Variants in LOXL1 observed in about 807,000 individuals in gnomAD.
LOXL1 encodes the protein lysyl oxidase homolog 1.
Under a neutral mutation model 62.2 loss-of-function variants are expected in LOXL1, and 31 were observed. The observed-to-expected ratio is 0.50, with a 90% CI of 0.37 to 0.67. The LOEUF is 0.67. Ranked by LOEUF, LOXL1 falls within the 30% of genes least tolerant of loss-of-function variation. The pLI is 0.00. For missense variants in LOXL1, 775 were observed against 843.4 expected, an observed-to-expected ratio of 0.92 and a Z score of 1.00; for synonymous variants, 403 against 384.4, an observed-to-expected ratio of 1.05 and a Z score of -0.56.
chr15:73,927,182 C>G lies in LOXL1; in HGVS notation c.399C>G (p.Val133=). 6.4e-7 allele frequency: 1 copy of G among 1,557,994 alleles called. No homozygotes were observed. Among genetic ancestry groups the G allele is most frequent in the East Asian group, 2.5e-5 (1 of 40,018 alleles). ...CCGACAACTGGCGCGAGGTGGCCGT[C>G]GGGGACAGCACGGGCATGGCCCGGG... ...QVPDNWREVA[V]GDSTGMARAR... Residue 133 remains valine, a synonymous_variant, in exon 1 of 7, where the codon GTC becomes GTG. Transcript: ENST00000261921.
chr15:73,939,898 G>A (rs2068701930), intron 1 of LOXL1, among the ~76,000 whole-genome samples: 1 of 152,132 alleles, frequency 6.6e-6, no homozygotes, highest in African/African-American at 2.4e-5. Flanking sequence ...TTCCTCCGGT[G>A]CTTCCAAAGA....
Position 73,926,832 on chromosome 15 carries a change from G to A in LOXL1, c.49G>A (p.Ala17Thr). ...SRQLGALVWGACLCVLVHGQQ... is the reference protein window; with the variant it reads ...SRQLGALVWGTCLCVLVHGQQ... ...GCAGCTGGGGGCCCTGGTGTGGGGC[G>A]CCTGCCTGTGCGTGCTGGTGCACGG... Residue 17 changes from alanine (A) to threonine (T), a missense_variant, in exon 1 of 7, where the codon GCC becomes ACC. Ala to Thr is a moderately conservative substitution (Grantham distance 58, BLOSUM62 0). Transcript: ENST00000261921. 6.5e-7 allele frequency: 1 copy of A among 1,530,202 alleles called. No individual in the cohort carries two copies. The highest frequency in any genetic ancestry group is 8.8e-7 in the Non-Finnish European group (1 of 1,137,052). The allele number at this position is 1,530,202 out of a possible 1,614,324, so 94.8% of individuals were successfully genotyped here.
Position 73,927,029 on chromosome 15 carries a change from G to A in LOXL1, c.246G>A (p.Gln82=). 7.2e-7 allele frequency: 1 copy of A among 1,390,740 alleles called. No homozygotes were observed. The highest frequency in any genetic ancestry group is 9.4e-7 in the Non-Finnish European group (1 of 1,061,922). 86.1% of individuals were successfully genotyped at this position (1,390,740 alleles called of 1,614,324 possible). A position where few individuals can be genotyped will look rare whatever the true frequency, so the allele number is the denominator to read the frequency against. The change falls in exon 1 of 7, where the codon CAG becomes CAA. Residue 82 remains glutamine (Q), a synonymous_variant. Coordinates refer to ENST00000261921, the MANE Select transcript of LOXL1 (RefSeq NM_005576.4). ...SSRVLLAGAP[Q]AQQRRSHGSP... ...GGGTGCTGCTGGCCGGCGCGCCCCA[G>A]GCCCAGCAGCGGCGCAGCCACGGGA...
At position 73,927,429 on chromosome 15, in the gene LOXL1, G is replaced by T. The variant is rs751304280; in HGVS notation, c.646G>T (p.Ala216Ser). 48 of 1,484,248 alleles carry T rather than the reference G, an allele frequency of 3.2e-5. No homozygotes were observed. Among genetic ancestry groups the T allele is most frequent in the Non-Finnish European group, 4.2e-5 (47 of 1,118,772 alleles). The allele number at this position is 1,484,248 out of a possible 1,614,324, so 91.9% of individuals were successfully genotyped here. A position where few individuals can be genotyped will look rare whatever the true frequency, so the allele number is the denominator to read the frequency against. Residue 216 changes from alanine to serine, a missense_variant, in exon 1 of 7, where the codon GCG (alanine) becomes TCG (serine). Physicochemically the swap from Ala to Ser is moderately conservative, Grantham distance 99 (BLOSUM62 1). Transcript: ENST00000261921. The stretch of plus-strand genomic sequence containing the variant: ...CGCGGGCGGCGGCGTGGGCGCGGGG[G>T]CGGCGGCCGTGGCCTCGGCGGGGGT... ...RPAGGGVGAG[A>S]AAVASAGVIY... is the part of the protein sequence containing the mutation.
At chr15:73,946,875 G>C (rs1358543346) in intron 3 of LOXL1, among the ~76,000 whole-genome samples, 192 bp from the exon 4 acceptor site, 1 of 152,260 alleles carries the variant, frequency 6.6e-6, no homozygotes, top group African/African-American at 2.4e-5. Context: ...AGCATGTGCT[G>C]TCCTGGAGTG....
chr15:73,938,253 C>CTGGGCA (rs1478096994), intron 1 of LOXL1, among the ~76,000 whole-genome samples: 1 of 145,852 alleles, frequency 6.9e-6, no homozygotes, highest in East Asian at 2.0e-4. Context: ...GCAGTCCAGC[C>CTGGGCA]TGGGCAACAG....
At chr15:73,928,625 A>G (rs932027036) in intron 1 of LOXL1, among the ~76,000 whole-genome samples, 3 of 127,626 alleles carry the variant, frequency 2.4e-5, no homozygotes, top group Admixed American at 1.6e-4. Flanking sequence ...AAAAAAAAAA[A>G]CCTGTGATAA....
Position 73,938,314 on chromosome 15 carries a change from T to G in LOXL1, c.1103-4540T>G, listed in dbSNP as rs913339766. 2.0e-5 allele frequency among the ~76,000 whole-genome samples: 3 copies of G among 148,300 alleles called. No individual in the cohort carries two copies. In the East Asian group the frequency reaches 6.2e-4, roughly 31 times the overall value. ...ATCTATCTATCTATCTATCTATCTA[T>G]CTAGGTAGATAGATAGAACAGGAGG... On this transcript the variant is annotated intron_variant, in intron 1 of 6. Transcript: ENST00000261921.
chr15:73,946,396 T>TCTCCCC, intron 2 of LOXL1, 21 bp from the exon 3 acceptor site: 1 of 1,195,974 alleles, frequency 8.4e-7, no homozygotes, highest in Admixed American at 1.8e-5. Flanking sequence ...CCCCCCCTCA[T>TCTCCCC]CTCCCCCGCC....
rs1172345159 is a variant in LOXL1 at position 73,946,438 on chromosome 15, C to T, written c.1233C>T (p.Ala411=). 3 of 1,613,134 alleles carry T rather than the reference C, an allele frequency of 1.9e-6. No homozygotes were observed. The highest frequency in any genetic ancestry group is 2.7e-5 in the African/African-American group (2 of 74,882). The change falls in exon 3 of 7, where the codon GCC becomes GCT. Residue 411 remains alanine, a synonymous_variant. Transcript: ENST00000261921. ...CLASTAYAPE[A]TDYDVRVLLR... The stretch of plus-strand genomic sequence containing the variant: ...GCAGCACAGCCTATGCCCCTGAGGC[C>T]ACCGACTACGATGTGCGGGTGCTAC...
Position 73,949,609 on chromosome 15 carries a change from C to T in LOXL1, c.1718+35C>T, listed in dbSNP as rs367618664. 5.6e-5 allele frequency: 82 copies of T among 1,455,920 alleles called. No individual in the cohort carries two copies. In the African/African-American group the frequency reaches 1.1e-3, roughly 19 times the overall value. 90.2% of individuals were successfully genotyped at this position (1,455,920 alleles called of 1,614,324 possible). On this transcript the variant is annotated intron_variant, in intron 6 of 6. Coordinates refer to ENST00000261921, the MANE Select transcript of LOXL1 (RefSeq NM_005576.4). ...TGCCCACCACCCTTCCTGGCTCCGT[C>T]CCTTTCCTGCCTGGGGAGCAGGCAA...
chr15:73,937,119 G>A (rs1770501457), intron 1 of LOXL1, among the ~76,000 whole-genome samples: 1 of 152,224 alleles, frequency 6.6e-6, no homozygotes, highest in Admixed American at 6.5e-5. Flanking sequence ...GGAAGGGGCA[G>A]ATGGTCTTTG....
rs1166662515 is a variant in LOXL1 at position 73,951,848 on chromosome 15, G to A, written c.*11G>A. On this transcript the variant is annotated 3_prime_UTR_variant, in exon 7 of 7. Transcript: ENST00000261921. The stretch of plus-strand genomic sequence containing the variant: ...TTCCTCAGATCCTGATCTCCGGGAG[G>A]GACAGATGGCCAATCTCTCCCCTTC... 2 of 1,542,914 alleles carry A rather than the reference G, an allele frequency of 1.3e-6. No individual in the cohort carries two copies. The highest frequency in any genetic ancestry group is 1.9e-5 in the Admixed American group (1 of 53,198).
intron 4 of LOXL1, chr15:73,947,510 A>G: frequency 2.0e-6 from 1 of 495,572 alleles, no homozygotes; most frequent in Non-Finnish European, 3.6e-6. Context: ...TCACCCACCC[A>G]TATCCCTCTT....
In LOXL1 at chr15:73,927,168, C is replaced by T. The variant is rs2068586956; in HGVS notation, c.385C>T (p.Arg129Cys). The T allele has an allele frequency of 1.3e-6, 2 of 1,538,372 alleles. No homozygotes were observed. Among genetic ancestry groups the T allele is most frequent in the South Asian group, 1.2e-5 (1 of 84,618 alleles). The change falls in exon 1 of 7, where the codon CGC becomes TGC. Residue 129 changes from arginine to cysteine, a missense_variant. Coordinates refer to ENST00000261921, the MANE Select transcript of LOXL1 (RefSeq NM_005576.4). ...CTTTGGCCAGGTGCCCGACAACTGG[C>T]GCGAGGTGGCCGTCGGGGACAGCAC... ...FGFGQVPDNW[R>C]EVAVGDSTGM...
intron 1 of LOXL1, among the ~76,000 whole-genome samples, chr15:73,934,905 G>C (rs920205032): frequency 9.2e-5 from 14 of 152,174 alleles, no homozygotes; most frequent in African/African-American, 3.1e-4. Context: ...AGTGAGCCAT[G>C]CAGCTGTCTG....
rs2068740212 is a variant in LOXL1, at chr15:73,945,248, A to G, written c.1212-1169A>G. ...ACCAGACCCATGTTCCCTGAATGGA[A>G]AAGGGCAGGTTGCCAGCCTGAAGCC... On this transcript the variant is annotated intron_variant, in intron 2 of 6. Transcript: ENST00000261921. This position sits in a 1 kb window ranked among gnomAD's most constrained non-coding sequence, Gnocchi z 4.3. Among the ~76,000 whole-genome samples the G allele has an allele frequency of 6.6e-6, 1 of 152,234 alleles. No homozygotes were observed. Among genetic ancestry groups the G allele is most frequent in the Non-Finnish European group, 1.5e-5 (1 of 68,040 alleles).
At chr15:73,940,669 G>A (rs1056326118) in intron 1 of LOXL1, among the ~76,000 whole-genome samples, 1 of 152,150 alleles carries the variant, frequency 6.6e-6, no homozygotes, top group Non-Finnish European at 1.5e-5. Context: ...CAGGGCCAGG[G>A]TTCAGTATGT....
rs922371400 is a variant in LOXL1, at chr15:73,945,843, C to T, written c.1212-574C>T. Among the ~76,000 whole-genome samples the T allele has an allele frequency of 1.3e-5, 2 of 152,050 alleles. No homozygotes were observed. Among genetic ancestry groups the T allele is most frequent in the Non-Finnish European group, 2.9e-5 (2 of 68,016 alleles). Reference sequence around the variant, plus strand: ...ATCAGTCTCCAAGTAGCTGGGACTACAGGCATAAGCCACCTTACCTGGCTA... The same window carrying T: ...ATCAGTCTCCAAGTAGCTGGGACTATAGGCATAAGCCACCTTACCTGGCTA... On this transcript the variant is annotated intron_variant, in intron 2 of 6. Coordinates refer to ENST00000261921, the MANE Select transcript of LOXL1 (RefSeq NM_005576.4). This position sits in a 1 kb window ranked among gnomAD's most constrained non-coding sequence, Gnocchi z 4.3.
Sources: allele counts gnomAD v4.1 joint callset (sites outside exome capture counted in the v4.1 genomes callset), GRCh38; gene constraint gnomAD v4.1.1; non-coding constraint Gnocchi (gnomAD v3.1); transcripts MANE v1.5; gene names NCBI Gene and HGNC (gene_info 2026-07-23, HGNC 2026-07-21).